ABCB4: variants seen among roughly 807,000 people sequenced by gnomAD.
ABCB4 encodes the protein ATP binding cassette subfamily B member 4.
A neutral mutation model predicts 145.7 loss-of-function variants in ABCB4; 76 were observed. The observed-to-expected ratio is 0.52, with a 90% CI of 0.43 to 0.63. The LOEUF is 0.63. Among genes scored for constraint, ABCB4 ranks in the 30% least tolerant of loss-of-function variants. The probability of loss-of-function intolerance (pLI) is 0.00; values close to 1 mark genes in which losing one functional copy is unlikely to be tolerated. For missense variants in ABCB4, 1,234 were observed against 1,553.1 expected, an observed-to-expected ratio of 0.79 and a Z score of 3.45; for synonymous variants, 517 against 566.8, an observed-to-expected ratio of 0.91 and a Z score of 1.25.
rs764996425 is a variant in ABCB4 at position 87,454,599 on chromosome 7, T to TA, written c.287-8dup. 2 of 1,600,506 alleles carry TA rather than the reference T, an allele frequency of 1.2e-6. No homozygotes were observed. Among genetic ancestry groups the TA allele is most frequent in the Non-Finnish European group, 1.7e-6 (2 of 1,170,732 alleles). ...AGCGACAAGGAAAAGTTCACTAAAT[T>TA]AAAAAATAAAATAAAACATGTTAAA... On this transcript the variant is annotated splice_region_variant and splice_polypyrimidine_tract_variant and intron_variant, in intron 4 of 27. Transcript: ENST00000649586.
rs766475263 is a variant in ABCB4, at chr7:87,422,129, A to G, written c.2308T>C (p.Phe770Leu). The G allele has an allele frequency of 6.2e-7, 1 of 1,606,766 alleles. No individual in the cohort carries two copies. The highest frequency in any genetic ancestry group is 1.1e-5 in the South Asian group (1 of 90,526). ...AAATCATGGGTACCTACCTGAAGGA[A>G]GAAAGTAAAAAAAGAAATAATTCCC... ...FLGIISFFTF[F>L]LQGFTFGKAG... The change falls in exon 18 of 28, where the codon TTC becomes CTC. Residue 770 changes from phenylalanine (F) to leucine (L), a missense_variant. Coordinates refer to ENST00000649586, the MANE Select transcript of ABCB4 (RefSeq NM_000443.4).
At chr7:87,433,674 TG>T (rs967937546) in intron 14 of ABCB4, among the ~76,000 whole-genome samples, 4,161 of 133,382 alleles carry the variant, frequency 0.031, 297 homozygotes, top group African/African-American at 0.12. Context: ...AAATTGTTGT[TG>T]TTTTTTTTTT....
downstream of ABCB4, among the ~76,000 whole-genome samples, chr7:87,400,867 C>A (rs531064809): frequency 2.0e-5 from 3 of 152,312 alleles, no homozygotes; most frequent in South Asian, 6.2e-4. Context: ...ATTTTGGAGA[C>A]TGCATCACCT....
At chr7:87,447,265 C>A in intron 8 of ABCB4, 60 bp from the exon 9 acceptor site, 1 of 1,525,394 alleles carries the variant, frequency 6.6e-7, no homozygotes, top group Non-Finnish European at 9.0e-7. Context: ...TAGTCCGAGT[C>A]ACACTCGGCT....
At chr7:87,378,365 G>T in the ABCB4 span, among the ~76,000 whole-genome samples, 1 of 149,314 alleles carries the variant, frequency 6.7e-6, no homozygotes, top group Admixed American at 6.7e-5. Flanking sequence ...AAAAAAAAGG[G>T]TTCAGTAGTT....
the ABCB4 span, chr7:87,369,350 C>A: frequency 6.6e-7 from 1 of 1,515,730 alleles, no homozygotes; most frequent in Non-Finnish European, 9.1e-7. Context: ...AGATTTGAGT[C>A]TTGTGTTTTC....
the ABCB4 span, among the ~76,000 whole-genome samples, chr7:87,378,419 A>T: frequency 6.6e-6 from 1 of 152,108 alleles, no homozygotes; most frequent in Non-Finnish European, 1.5e-5. Context: ...ACCTAAATCA[A>T]ACTAGCGTTA....
At chr7:87,424,524 C>A (rs1244697056) in intron 16 of ABCB4, among the ~76,000 whole-genome samples, 1 of 152,178 alleles carries the variant, frequency 6.6e-6, no homozygotes, top group African/African-American at 2.4e-5. Flanking sequence ...AACATCTTTG[C>A]AAATGTAGGA....
chr7:87,443,171 T>C, intron 12 of ABCB4, 148 bp downstream of exon 12: 1 of 966,032 alleles, frequency 1.0e-6, no homozygotes. Context: ...AGCCCAAGGG[T>C]GTGAAGGCAT....
intron 3 of ABCB4, among the ~76,000 whole-genome samples, chr7:87,463,243 T>G (rs1812586869): frequency 7.6e-6 from 1 of 131,628 alleles, no homozygotes; most frequent in Non-Finnish European, 1.5e-5. Flanking sequence ...GACATTAAGT[T>G]TAAACACACA....
Position 87,405,942 on chromosome 7 carries a change from C to G in ABCB4, c.3486+346G>C, listed in dbSNP as rs1398604836. On this transcript the variant is annotated intron_variant, in intron 26 of 27. Transcript: ENST00000649586. The stretch of plus-strand genomic sequence containing the variant: ...AAGGGTACATAAGATCTCTGTATTC[C>G]TTACAATTACATGTAAATCCATAAT... The G allele has an allele frequency of 1.4e-5, 5 of 361,590 alleles. No individual in the cohort carries two copies. The East Asian group carries it at 3.4e-4, about 24-fold the overall frequency. The allele number at this position is 361,590 out of a possible 1,614,324, so 22.4% of individuals were successfully genotyped here. A position where few individuals can be genotyped will look rare whatever the true frequency, so the allele number is the denominator to read the frequency against.
chr7:87,447,754 T>C (rs575336022), intron 8 of ABCB4, among the ~76,000 whole-genome samples: 1 of 152,348 alleles, frequency 6.6e-6, no homozygotes, highest in South Asian at 2.1e-4. Flanking sequence ...AGGCTGACCT[T>C]CATCTGTCAA....
chr7:87,381,882 T>C, the ABCB4 span: 1 of 1,484,466 alleles, frequency 6.7e-7, no homozygotes, highest in South Asian at 1.2e-5. Context: ...CATAAAGTAT[T>C]CAGAAATCTT....
intron 9 of ABCB4, 21 bp downstream of exon 9, chr7:87,447,009 CATAA>C (rs1188603566): frequency 6.3e-7 from 1 of 1,583,312 alleles, no homozygotes; most frequent in South Asian, 1.1e-5. Context: ...TCATATTCTT[CATAA>C]ATGTTAGGAG....
At chr7:87,365,902 G>T in the ABCB4 span, among the ~76,000 whole-genome samples, 1 of 152,098 alleles carries the variant, frequency 6.6e-6, no homozygotes, top group Non-Finnish European at 1.5e-5. Context: ...ACAGCACCTG[G>T]CCTGTTGTTT....
At chr7:87,367,667 T>C in the ABCB4 span, among the ~76,000 whole-genome samples, 5 of 152,364 alleles carry the variant, frequency 3.3e-5, no homozygotes, top group South Asian at 1.0e-3. Context: ...ATATCTGTGC[T>C]GAGTCCCGCT....
chr7:87,445,084 TC>T, intron 9 of ABCB4, 109 bp from the exon 10 acceptor site: 1 of 786,182 alleles, frequency 1.3e-6, no homozygotes, highest in South Asian at 1.6e-5. Flanking sequence ...TTTAGGTTTA[TC>T]CTTTCCTTTT....
chr7:87,467,085 A>G (rs1398969133), intron 3 of ABCB4, among the ~76,000 whole-genome samples: 3 of 152,252 alleles, frequency 2.0e-5, no homozygotes, highest in African/African-American at 7.2e-5. Context: ...AAATGCTCCA[A>G]TTAAAAGACA....
rs564964753 is a variant in ABCB4, at chr7:87,434,472, G to A, written c.1732-2907C>T. On this transcript the variant is annotated intron_variant, in intron 14 of 27. Coordinates refer to ENST00000649586, the MANE Select transcript of ABCB4 (RefSeq NM_000443.4). ...CACTATTAAAATTTATTTTAGGGCC[G>A]GGCGCGGTGGCTCACACCTGTAATC... 5.4e-4 allele frequency among the ~76,000 whole-genome samples: 82 copies of A among 152,024 alleles called. 1 individual carries two copies. The highest frequency in any genetic ancestry group is 2.1e-3 in the East Asian group (11 of 5,168).
Sources: allele counts gnomAD v4.1 joint callset (sites outside exome capture counted in the v4.1 genomes callset), GRCh38; gene constraint gnomAD v4.1.1; transcripts MANE v1.5; gene names NCBI Gene and HGNC (gene_info 2026-07-23, HGNC 2026-07-21).